Variants in ZNF804B observed in about 807,000 individuals in gnomAD.
ZNF804B encodes zinc finger 804B.
In ZNF804B, 80 loss-of-function variants were observed where a neutral mutation model predicts 101.4. The observed-to-expected ratio is 0.79, with a 90% CI of 0.66 to 0.95. The LOEUF (loss-of-function observed/expected upper bound fraction) is 0.95, where lower values mean the gene tolerates loss of function less well. Among genes scored for constraint, ZNF804B ranks in the 40% least tolerant of loss-of-function variants. ZNF804B has a pLI of 0.00. For synonymous variants in ZNF804B, 622 were observed against 558.8 expected, an observed-to-expected ratio of 1.11 and a Z score of -1.59; for missense variants, 1,673 against 1,561.9, an observed-to-expected ratio of 1.07 and a Z score of -1.20.
chr7:88,896,206 C>A (rs754312499), intron 1 of ZNF804B, among the ~76,000 whole-genome samples: 4 of 152,096 alleles, frequency 2.6e-5, no homozygotes, highest in Non-Finnish European at 5.9e-5. Flanking sequence ...CTGAAGAAAT[C>A]CAAATGAAGC....
At chr7:88,769,528 G>T (rs1790032129) in intron 1 of ZNF804B, among the ~76,000 whole-genome samples, 1 of 152,164 alleles carries the variant, frequency 6.6e-6, no homozygotes, top group Non-Finnish European at 1.5e-5. Context: ...ATTTGTACAT[G>T]AGTTAGTTAA....
chr7:89,194,739 G>C lies in ZNF804B; in HGVS notation c.109-23416G>C, dbSNP rs1337385483. ...AGCCTTGTAGTATAGTTTGAAGTCA[G>C]GTAGTGTGATGCCTCCAGCTTTGTT... On this transcript the variant is annotated intron_variant, in intron 1 of 3. Transcript: ENST00000333190. Among the ~76,000 whole-genome samples, 21 of 151,288 alleles carry C rather than the reference G, an allele frequency of 1.4e-4. No homozygotes were observed. The South Asian group carries it at 3.0e-3, about 21-fold the overall frequency.
rs116421249 is a variant in ZNF804B at position 89,090,987 on chromosome 7, G to A, written c.109-127168G>A. 2.2e-3 allele frequency among the ~76,000 whole-genome samples: 338 copies of A among 152,192 alleles called. 3 individuals carry two copies. Among genetic ancestry groups the A allele is most frequent in the African/African-American group, 7.8e-3 (324 of 41,520 alleles). The stretch of plus-strand genomic sequence containing the variant: ...TCAGGCAATAAGTAACACATTTTGA[G>A]GAAAGTTTGGACGTAAGTATTGAGT... On this transcript the variant is annotated intron_variant, in intron 1 of 3. Coordinates refer to ENST00000333190, the MANE Select transcript of ZNF804B (RefSeq NM_181646.5).
chr7:89,238,292 A>C (rs969060312), intron 2 of ZNF804B, among the ~76,000 whole-genome samples: 6 of 152,188 alleles, frequency 3.9e-5, no homozygotes, highest in South Asian at 2.1e-4. Context: ...TGATGAACAT[A>C]ATCCCTAAAT....
chr7:89,330,292 A>G (rs919436611), intron 3 of ZNF804B, among the ~76,000 whole-genome samples: 3 of 151,738 alleles, frequency 2.0e-5, no homozygotes, highest in African/African-American at 7.2e-5. Context: ...ATAAGTTTTG[A>G]GGATCTAATG....
chr7:89,320,587 A>T (rs1790803947), intron 2 of ZNF804B, among the ~76,000 whole-genome samples: 1 of 152,140 alleles, frequency 6.6e-6, no homozygotes, highest in Non-Finnish European at 1.5e-5. Flanking sequence ...ATAAGAGAGC[A>T]TGAGGTAGAA....
intron 1 of ZNF804B, among the ~76,000 whole-genome samples, chr7:88,947,886 G>C (rs1429810582): frequency 6.6e-6 from 1 of 151,700 alleles, no homozygotes; most frequent in Non-Finnish European, 1.5e-5. Flanking sequence ...TATCCACAGG[G>C]GTCATGCAAC....
At chr7:88,819,825 C>A (rs968529270) in intron 1 of ZNF804B, among the ~76,000 whole-genome samples, 22 of 152,056 alleles carry the variant, frequency 1.4e-4, no homozygotes, top group East Asian at 7.7e-4. Flanking sequence ...AATTATGATT[C>A]CACTGCTTGA....
intron 1 of ZNF804B, among the ~76,000 whole-genome samples, chr7:89,000,607 A>G (rs550908187): frequency 2.0e-5 from 3 of 151,886 alleles, no homozygotes; most frequent in African/African-American, 2.4e-5. Context: ...TTCCAACTGA[A>G]AGTTTGTACT....
intron 1 of ZNF804B, among the ~76,000 whole-genome samples, chr7:88,881,148 C>G (rs1792023202): frequency 1.3e-5 from 2 of 151,908 alleles, no homozygotes; most frequent in Non-Finnish European, 2.9e-5. Flanking sequence ...GTTTAGGATT[C>G]TTAATGGACT....
intron 1 of ZNF804B, among the ~76,000 whole-genome samples, chr7:89,107,737 A>G (rs1409786869): frequency 6.6e-6 from 1 of 152,140 alleles, no homozygotes; most frequent in Non-Finnish European, 1.5e-5. Flanking sequence ...TGTTTATAGA[A>G]CAATGGAGTT....
At chr7:89,026,569 C>T (rs749537431) in intron 1 of ZNF804B, among the ~76,000 whole-genome samples, 1 of 152,086 alleles carries the variant, frequency 6.6e-6, no homozygotes, top group African/African-American at 2.4e-5. Flanking sequence ...GGTGACTTGA[C>T]CTGGGTATAA....
chr7:89,165,672 CCTGCACTTCA>C (rs1216452900), intron 1 of ZNF804B, among the ~76,000 whole-genome samples: 5 of 152,042 alleles, frequency 3.3e-5, no homozygotes, highest in Admixed American at 6.5e-5. Context: ...GTAAAGAACT[CCTGCACTTCA>C]AACGGAAGAT....
chr7:89,212,398 CAAGAT>C (rs1226801583), intron 1 of ZNF804B, among the ~76,000 whole-genome samples: 3 of 151,938 alleles, frequency 2.0e-5, no homozygotes, highest in Non-Finnish European at 4.4e-5. Flanking sequence ...GACAAATTAA[CAAGAT>C]AAGAAACAGA....
intron 1 of ZNF804B, among the ~76,000 whole-genome samples, chr7:88,890,879 A>G (rs1792204785): frequency 6.6e-6 from 1 of 152,136 alleles, no homozygotes; most frequent in Non-Finnish European, 1.5e-5. Flanking sequence ...AATCATGCAT[A>G]TGTTAGATTT....
intron 2 of ZNF804B, among the ~76,000 whole-genome samples, chr7:89,314,798 G>C (rs1186407669): frequency 6.6e-6 from 1 of 152,122 alleles, no homozygotes; most frequent in Non-Finnish European, 1.5e-5. Flanking sequence ...TACTTACACT[G>C]TCTTGTCTCC....
chr7:88,826,156 A>T (rs192238037), intron 1 of ZNF804B, among the ~76,000 whole-genome samples: 39 of 152,320 alleles, frequency 2.6e-4, no homozygotes, highest in South Asian at 6.2e-4. Flanking sequence ...TCTGAAAAAC[A>T]TTGTAATCTC....
At chr7:89,185,767 T>C (rs1269117393) in intron 1 of ZNF804B, among the ~76,000 whole-genome samples, 1 of 151,774 alleles carries the variant, frequency 6.6e-6, no homozygotes. Flanking sequence ...AGCTGAAGCA[T>C]GAAAATCGCG....
At chr7:89,160,381 G>A (rs1319802479) in intron 1 of ZNF804B, among the ~76,000 whole-genome samples, 2 of 152,148 alleles carry the variant, frequency 1.3e-5, no homozygotes, top group African/African-American at 4.8e-5. Context: ...CTTGGGGAAT[G>A]CTTAAAAATG....
Sources: allele counts gnomAD v4.1 joint callset (sites outside exome capture counted in the v4.1 genomes callset), GRCh38; gene constraint gnomAD v4.1.1; transcripts MANE v1.5; gene names NCBI Gene and HGNC (gene_info 2026-07-23, HGNC 2026-07-21).